Variants in TASP1 observed in about 807,000 individuals in gnomAD.
The protein encoded by TASP1 is taspase 1.
TASP1 carries 16 observed loss-of-function variants against 56.6 expected under a neutral mutation model. That is an observed-to-expected ratio of 0.28 (90% CI 0.19 to 0.43). The LOEUF (loss-of-function observed/expected upper bound fraction) is 0.43. Among genes scored for constraint, TASP1 ranks in the 20% least tolerant of loss-of-function variants. TASP1 has a pLI of 1.00. For synonymous variants in TASP1, 179 were observed against 184.2 expected (o/e 0.97, Z 0.23); for missense variants, 393 against 511.6 (o/e 0.77, Z 2.24).
intron 13 of TASP1, among the ~76,000 whole-genome samples, chr20:13,396,783 T>C (rs1180743568): frequency 6.6e-6 from 1 of 152,170 alleles, no homozygotes; most frequent in Admixed American, 6.5e-5. Flanking sequence ...ATTCTCCACG[T>C]TGAAAACAAG....
chr20:13,318,899 A>G, the TASP1 span, among the ~76,000 whole-genome samples: 3 of 152,224 alleles, frequency 2.0e-5, no homozygotes, highest in African/African-American at 7.2e-5. Flanking sequence ...GGCAGAGCAC[A>G]GAACACTTTC....
At chr20:13,500,181 T>C (rs1238093504) in intron 10 of TASP1, among the ~76,000 whole-genome samples, 1 of 150,696 alleles carries the variant, frequency 6.6e-6, no homozygotes, top group Non-Finnish European at 1.5e-5. Flanking sequence ...GGCTGAAATG[T>C]TTTATATGTA....
chr20:13,459,307 C>G (rs1354732173), intron 11 of TASP1, among the ~76,000 whole-genome samples: 1 of 152,148 alleles, frequency 6.6e-6, no homozygotes, highest in African/African-American at 2.4e-5. Flanking sequence ...CCTAACTGCA[C>G]AGTGCATACC....
At chr20:13,616,847 T>G (rs2048541300) in intron 4 of TASP1, 1 of 297,484 alleles carries the variant, frequency 3.4e-6, no homozygotes, top group Non-Finnish European at 6.7e-6. Context: ...TTAAAAAGAG[T>G]GTAACTTACT....
chr20:13,624,444 T>A (rs771868057), intron 3 of TASP1, among the ~76,000 whole-genome samples: 27 of 152,216 alleles, frequency 1.8e-4, no homozygotes, highest in Non-Finnish European at 3.1e-4. Context: ...TAGGACTTCA[T>A]TCATAAGAAA....
chr20:13,418,622 G>A (rs950268957), intron 12 of TASP1, among the ~76,000 whole-genome samples: 4 of 152,248 alleles, frequency 2.6e-5, no homozygotes, highest in East Asian at 1.9e-4. Context: ...GAAGAAGGAT[G>A]GGCTATTTAC....
At chr20:13,283,918 C>A in the TASP1 span, among the ~76,000 whole-genome samples, 1 of 152,118 alleles carries the variant, frequency 6.6e-6, no homozygotes, top group Non-Finnish European at 1.5e-5. Context: ...TATCTTAAAG[C>A]CAGAGCAACG....
chr20:13,128,013 T>C, the TASP1 span, among the ~76,000 whole-genome samples: 2 of 152,240 alleles, frequency 1.3e-5, no homozygotes, highest in African/African-American at 4.8e-5. Flanking sequence ...TATTCAACCC[T>C]GAGCAAGTTA....
intron 12 of TASP1, among the ~76,000 whole-genome samples, chr20:13,425,910 T>C (rs1318620188): frequency 6.6e-6 from 1 of 152,200 alleles, no homozygotes; most frequent in Non-Finnish European, 1.5e-5. Flanking sequence ...GAAGAAACTT[T>C]GACTTGGCAT....
chr20:13,296,203 A>G, the TASP1 span, among the ~76,000 whole-genome samples: 1 of 152,016 alleles, frequency 6.6e-6, no homozygotes, highest in African/African-American at 2.4e-5. Flanking sequence ...CTCCACCCAT[A>G]GCATGTCCCT....
chr20:13,296,588 T>C, the TASP1 span, among the ~76,000 whole-genome samples: 17 of 152,178 alleles, frequency 1.1e-4, no homozygotes, highest in African/African-American at 4.1e-4. Flanking sequence ...AGATAGTAGA[T>C]TGGAGAATGC....
intron 8 of TASP1, among the ~76,000 whole-genome samples, chr20:13,550,492 T>G (rs989230937): frequency 1.3e-5 from 2 of 152,162 alleles, no homozygotes; most frequent in South Asian, 2.1e-4. Context: ...AAAAAAAAAT[T>G]TCAAATACCA....
the TASP1 span, among the ~76,000 whole-genome samples, chr20:13,317,599 G>C: frequency 2.0e-5 from 3 of 152,070 alleles, no homozygotes; most frequent in African/African-American, 7.2e-5. Flanking sequence ...TAGGCAAATA[G>C]ATCAATGGAA....
At chr20:13,362,707 G>C in the TASP1 span, among the ~76,000 whole-genome samples, 1 of 151,244 alleles carries the variant, frequency 6.6e-6, no homozygotes. Context: ...CATACTGCAT[G>C]ATTCTGTTTA....
At chr20:13,442,334 T>C (rs186661198) in intron 11 of TASP1, among the ~76,000 whole-genome samples, 1 of 151,612 alleles carries the variant, frequency 6.6e-6, no homozygotes, top group Non-Finnish European at 1.5e-5. Context: ...TACTCCTGCC[T>C]ACATCACTGA....
chr20:13,374,198 CTACTT>C, the TASP1 span, among the ~76,000 whole-genome samples: 3 of 152,100 alleles, frequency 2.0e-5, no homozygotes, highest in Admixed American at 6.6e-5. Flanking sequence ...TTTATAATGG[CTACTT>C]TAAAGTCTTT....
At chr20:13,438,101 T>A (rs2043075245) in intron 11 of TASP1, among the ~76,000 whole-genome samples, 1 of 152,108 alleles carries the variant, frequency 6.6e-6, no homozygotes, top group Non-Finnish European at 1.5e-5. Flanking sequence ...ATAGATTCAA[T>A]GCCATCCCCA....
intron 1 of TASP1, among the ~76,000 whole-genome samples, chr20:13,635,000 C>T (rs951160368): frequency 6.6e-6 from 1 of 152,100 alleles, no homozygotes; most frequent in Admixed American, 6.6e-5. Context: ...CGCACTCCAG[C>T]CTGGGCAACA....
At chr20:13,155,546 G>C in the TASP1 span, among the ~76,000 whole-genome samples, 2 of 152,178 alleles carry the variant, frequency 1.3e-5, no homozygotes, top group Admixed American at 1.3e-4. Context: ...ACACATGAAG[G>C]CTGGGCGCGG....
Sources: gnomAD v4.1 joint callset for allele counts (sites outside exome capture counted in the v4.1 genomes callset) on GRCh38, gnomAD v4.1.1 for gene constraint, MANE v1.5 for transcripts, NCBI Gene and HGNC (gene_info 2026-07-23, HGNC 2026-07-21) for gene names.